The following IRAK3 variants were observed in gnomAD, a reference collection of about 807,000 sequenced individuals.
IRAK3 encodes the protein interleukin-1 receptor-associated kinase 3.
A neutral mutation model predicts 56.6 loss-of-function variants in IRAK3; 57 were observed. The ratio of observed to expected loss-of-function variants is 1.01; its 90% CI spans 0.81 to 1.26. IRAK3 has a LOEUF of 1.26. IRAK3 is among the 50% of genes most tolerant of loss of function. The pLI, the probability that IRAK3 is intolerant of heterozygous loss-of-function variation, is 0.00. For synonymous variants in IRAK3, 258 were observed against 255.7 expected (o/e 1.01, Z -0.09); for missense variants, 703 against 719.0 (o/e 0.98, Z 0.25).
chr12:66,242,963 G>A (rs1191872266), intron 8 of IRAK3, among the ~76,000 whole-genome samples: 1 of 152,050 alleles, frequency 6.6e-6, no homozygotes, highest in African/African-American at 2.4e-5. Flanking sequence ...CTACTCAGGA[G>A]GCTGAGGCAG....
intron 8 of IRAK3, 50 bp from the exon 9 acceptor site, chr12:66,244,436 G>A (rs1025026679): frequency 1.5e-6 from 2 of 1,346,958 alleles, no homozygotes; most frequent in African/African-American, 2.9e-5. Context: ...TGTTTACACT[G>A]AAGTGCCTTT....
At chr12:66,236,395 C>CAAAAAAAAAAAAAAAAA (rs56074285) in intron 8 of IRAK3, among the ~76,000 whole-genome samples, 3 of 110,414 alleles carry the variant, frequency 2.7e-5, no homozygotes. Context: ...CTAAAAATAC[C>CAAAAAAAAAAAAAAAAA]AAAAAAAAAA....
intron 2 of IRAK3, among the ~76,000 whole-genome samples, chr12:66,204,787 C>G (rs916108655): frequency 6.2e-4 from 80 of 128,646 alleles, no homozygotes; most frequent in African/African-American, 2.4e-3. Flanking sequence ...CGCACACACA[C>G]ACACACACAC....
intron 8 of IRAK3, chr12:66,234,853 A>G (rs1283204260): frequency 6.2e-7 from 1 of 1,611,576 alleles, no homozygotes; most frequent in Non-Finnish European, 8.5e-7. Context: ...AGAGTGGCAA[A>G]TTAGAAATGT....
intron 6 of IRAK3, among the ~76,000 whole-genome samples, chr12:66,220,544 G>T (rs1477415206): frequency 1.1e-5 from 1 of 87,202 alleles, no homozygotes; most frequent in African/African-American, 6.9e-5. Context: ...TTTTTGAGAC[G>T]GAGTCTCGCT....
At chr12:66,234,029 C>T in intron 8 of IRAK3, 1 of 1,600,306 alleles carries the variant, frequency 6.2e-7, no homozygotes, top group Non-Finnish European at 8.6e-7. Context: ...GTTCAGCCTT[C>T]ACACCCTTCT....
intron 8 of IRAK3, chr12:66,235,354 G>C (rs1348145315): frequency 6.7e-6 from 7 of 1,042,376 alleles, no homozygotes; most frequent in South Asian, 4.4e-5. Context: ...TCGCCGCGAG[G>C]GGGAGGACGC....
intron 1 of IRAK3, among the ~76,000 whole-genome samples, chr12:66,194,721 TG>T (rs2052433799): frequency 6.6e-6 from 1 of 150,762 alleles, no homozygotes; most frequent in Non-Finnish European, 1.5e-5. Context: ...CTCAGCTACT[TG>T]GGAGGCTGAG....
intron 8 of IRAK3, among the ~76,000 whole-genome samples, chr12:66,239,880 T>C (rs1206260394): frequency 6.6e-6 from 1 of 152,198 alleles, no homozygotes; most frequent in Non-Finnish European, 1.5e-5. Flanking sequence ...TGCCAGTTTT[T>C]TTCTGTCTCT....
intron 1 of IRAK3, among the ~76,000 whole-genome samples, chr12:66,189,674 G>C (rs1221289258): frequency 6.6e-6 from 1 of 152,210 alleles, no homozygotes; most frequent in Non-Finnish European, 1.5e-5. Flanking sequence ...AGGGAGCCGA[G>C]GCCTGGGAAA....
At chr12:66,214,019 C>T (rs2052639790) in intron 5 of IRAK3, among the ~76,000 whole-genome samples, 2 of 152,100 alleles carry the variant, frequency 1.3e-5, no homozygotes, top group African/African-American at 4.8e-5. Context: ...TGTATGAAAA[C>T]GTAGGTCTTC....
At chr12:66,218,952 T>C (rs2052703960) in intron 6 of IRAK3, among the ~76,000 whole-genome samples, 1 of 152,198 alleles carries the variant, frequency 6.6e-6, no homozygotes, top group South Asian at 2.1e-4. Flanking sequence ...CTTATTTTAC[T>C]TAGCATAATG....
At position 66,247,946 on chromosome 12, in the gene IRAK3, G is replaced by A; in HGVS notation, c.1566G>A (p.Lys522=). The A allele has an allele frequency of 6.2e-7, 1 of 1,613,744 alleles. No individual in the cohort carries two copies. Among genetic ancestry groups the A allele is most frequent in the Non-Finnish European group, 8.5e-7 (1 of 1,179,942 alleles). ...SEVMFLSLDK[K]PESKRNEEAC... ...TTATGTTTCTGAGCTTGGACAAAAA[G>A]CCAGAGAGCAAGAGAAATGAGGAAG... Residue 522 remains lysine (K), a synonymous_variant, in exon 12 of 12, where the codon AAG becomes AAA. Coordinates refer to ENST00000261233, the MANE Select transcript of IRAK3 (RefSeq NM_007199.3).
chr12:66,251,384 A>G lies in IRAK3; in HGVS notation c.*3213A>G, dbSNP rs1253592099. 4 of 152,202 alleles carry G rather than the reference A, an allele frequency of 2.6e-5. No homozygotes were observed. The highest frequency in any genetic ancestry group is 4.8e-5 in the African/African-American group (2 of 41,440). The allele number at this position is 152,202 out of a possible 1,614,324, so 9.4% of individuals were successfully genotyped here. A position where few individuals can be genotyped will look rare whatever the true frequency, so the allele number is the denominator to read the frequency against. ...ATACCTTTATAGTTTCATGATGTGG[A>G]GACCAAGATACATAAGAAAGCAAGA... On this transcript the variant is annotated 3_prime_UTR_variant, in exon 12 of 12. Coordinates refer to ENST00000261233, the MANE Select transcript of IRAK3 (RefSeq NM_007199.3).
chr12:66,206,698 G>A (rs577969034), intron 2 of IRAK3, among the ~76,000 whole-genome samples: 282 of 152,168 alleles, frequency 1.9e-3, no homozygotes, highest in Middle Eastern at 3.4e-3. Context: ...GTCTTTATCC[G>A]GCATTGGTAT....
intron 6 of IRAK3, among the ~76,000 whole-genome samples, chr12:66,220,830 T>A (rs1365486657): frequency 6.6e-6 from 1 of 152,150 alleles, no homozygotes; most frequent in African/African-American, 2.4e-5. Context: ...TGTTCTTCTT[T>A]CTTAAACTCA....
chr12:66,233,743 T>G (rs2052870222), intron 8 of IRAK3, among the ~76,000 whole-genome samples: 1 of 151,224 alleles, frequency 6.6e-6, no homozygotes, highest in African/African-American at 2.4e-5. Flanking sequence ...ACGGTCTTTG[T>G]GCATACCCAG....
chr12:66,201,632 A>G (rs1239997567), intron 1 of IRAK3, among the ~76,000 whole-genome samples: 2 of 152,216 alleles, frequency 1.3e-5, no homozygotes, highest in Non-Finnish European at 2.9e-5. Flanking sequence ...GGCAATATAA[A>G]TTTTTGCTTG....
intron 8 of IRAK3, among the ~76,000 whole-genome samples, chr12:66,242,991 G>A (rs560297169): frequency 3.9e-5 from 6 of 152,078 alleles, no homozygotes; most frequent in East Asian, 1.9e-4. Context: ...ACTTGAACCC[G>A]GGAGGCAGAG....
Sources: allele counts gnomAD v4.1 joint callset (sites outside exome capture counted in the v4.1 genomes callset), GRCh38; gene constraint gnomAD v4.1.1; transcripts MANE v1.5; gene names NCBI Gene and HGNC (gene_info 2026-07-23, HGNC 2026-07-21).